The following TMPRSS15 variants were observed in gnomAD, a reference collection of about 807,000 sequenced individuals.
TMPRSS15 encodes transmembrane serine protease 15.
A neutral mutation model predicts 125.3 loss-of-function variants in TMPRSS15; 128 were observed. That is an observed-to-expected ratio of 1.02 (90% CI 0.89 to 1.18). The LOEUF (loss-of-function observed/expected upper bound fraction) is 1.18, where lower values mean the gene tolerates loss of function less well. Among genes scored for constraint, TMPRSS15 ranks in the 50% most tolerant of loss-of-function variants. The probability of loss-of-function intolerance (pLI) is 0.00; values close to 1 mark genes in which losing one functional copy is unlikely to be tolerated. For missense variants in TMPRSS15, 1,283 were observed against 1,212.7 expected (o/e 1.06, Z -0.86); for synonymous variants, 446 against 423.2 (o/e 1.05, Z -0.66).
At chr21:18,377,158 TATG>T (rs1245463043) in intron 5 of TMPRSS15, among the ~76,000 whole-genome samples, 1 of 152,134 alleles carries the variant, frequency 6.6e-6, no homozygotes, top group Non-Finnish European at 1.5e-5. Context: ...AGAAAAAGAA[TATG>T]ATATTTCACC....
At chr21:18,270,269 TTCACTC>T (rs945842302) in intron 24 of TMPRSS15, 145 bp from the exon 25 acceptor site, 9 of 652,948 alleles carry the variant, frequency 1.4e-5, no homozygotes, top group African/African-American at 1.8e-5. Flanking sequence ...TATTCTCACT[TTCACTC>T]TAAGTCAGGA....
chr21:18,346,434 G>A (rs775835864), intron 10 of TMPRSS15, among the ~76,000 whole-genome samples: 4 of 151,966 alleles, frequency 2.6e-5, no homozygotes, highest in African/African-American at 4.8e-5. Context: ...TTGCCTTGTG[G>A]GACTATTTAC....
intron 1 of TMPRSS15, among the ~76,000 whole-genome samples, chr21:18,473,672 A>AT (rs1037499876): frequency 3.3e-5 from 5 of 152,156 alleles, no homozygotes; most frequent in Admixed American, 6.6e-5. Flanking sequence ...CCTGAGAAGT[A>AT]TTTTTTTCTA....
At chr21:18,322,895 T>C (rs1400539612) in intron 16 of TMPRSS15, among the ~76,000 whole-genome samples, 8 of 152,214 alleles carry the variant, frequency 5.3e-5, no homozygotes. Context: ...TCCTAACACT[T>C]AGAAATAATA....
At chr21:18,481,705 G>A (rs921308322) in intron 1 of TMPRSS15, among the ~76,000 whole-genome samples, 1 of 151,604 alleles carries the variant, frequency 6.6e-6, no homozygotes, top group Non-Finnish European at 1.5e-5. Context: ...TTACTAAGGA[G>A]TAAAATTAAA....
intron 1 of TMPRSS15, among the ~76,000 whole-genome samples, chr21:18,484,483 A>G (rs1442992075): frequency 2.0e-5 from 3 of 151,846 alleles, no homozygotes; most frequent in African/African-American, 7.2e-5. Flanking sequence ...AAAATAGGCT[A>G]CAAGTCTCCT....
chr21:18,416,216 T>C (rs2076179778), intron 1 of TMPRSS15, among the ~76,000 whole-genome samples: 2 of 152,032 alleles, frequency 1.3e-5, no homozygotes, highest in Admixed American at 1.3e-4. Flanking sequence ...ATATAAATAT[T>C]AGCCAAATTG....
intron 16 of TMPRSS15, among the ~76,000 whole-genome samples, chr21:18,316,901 G>A (rs146662741): frequency 3.9e-5 from 6 of 152,226 alleles, no homozygotes; most frequent in East Asian, 3.9e-4. Flanking sequence ...CTCCATGAGG[G>A]CCACTTGGAA....
At chr21:18,443,554 G>A (rs1426698820) in intron 1 of TMPRSS15, among the ~76,000 whole-genome samples, 1 of 152,218 alleles carries the variant, frequency 6.6e-6, no homozygotes, top group Non-Finnish European at 1.5e-5. Context: ...GACAACTCTT[G>A]ATTCCAAGGG....
chr21:18,323,344 CAAA>C (rs2075258286), intron 16 of TMPRSS15, among the ~76,000 whole-genome samples: 2 of 152,056 alleles, frequency 1.3e-5, no homozygotes, highest in Non-Finnish European at 2.9e-5. Context: ...TCATGGCAGG[CAAA>C]AGAGGAGAAA....
At chr21:18,357,803 C>T (rs2824768) in intron 8 of TMPRSS15, among the ~76,000 whole-genome samples, 89,012 of 151,370 alleles carry the variant, frequency 0.59, 26,559 homozygotes, top group East Asian at 0.86. Context: ...ATAAACAAAC[C>T]TTGAGTTTCT....
intron 14 of TMPRSS15, 49 bp downstream of exon 14, chr21:18,332,035 A>T (rs770279819): frequency 1.3e-6 from 2 of 1,532,802 alleles, no homozygotes; most frequent in Non-Finnish European, 1.8e-6. Flanking sequence ...GGAGATCTAC[A>T]TTTCATATGG....
intron 17 of TMPRSS15, among the ~76,000 whole-genome samples, chr21:18,314,516 G>T (rs1259214933): frequency 6.6e-6 from 1 of 152,110 alleles, no homozygotes; most frequent in Non-Finnish European, 1.5e-5. Context: ...GACCTCAGAT[G>T]ATCTGCCCAC....
chr21:18,332,212 T>C (rs764582247), intron 13 of TMPRSS15, 39 bp from the exon 14 acceptor site: 18 of 1,543,762 alleles, frequency 1.2e-5, no homozygotes, highest in Non-Finnish European at 1.3e-5. Context: ...AGTAATACAA[T>C]GTTTATTTCA....
rs2824721 is a variant in TMPRSS15, at chr21:18,297,801, G to A, written c.2194C>T (p.Pro732Ser). The change falls in exon 19 of 25, where the codon CCT becomes TCT. Residue 732 changes from proline (P) to serine (S), a missense_variant. Pro to Ser is a moderately conservative substitution (Grantham distance 74, BLOSUM62 -1). Transcript: ENST00000284885. ...GSGNSSKPIFPTDGGPFVKLN... is the reference protein window; with the variant it reads ...GSGNSSKPIFSTDGGPFVKLN... ...TTGACAAATGGTCCACCATCGGTAG[G>A]GAAGATTGGCTTTGATGAGTTTCCA... 1,243,208 of 1,612,248 alleles carry A rather than the reference G, an allele frequency of 0.77. 480,653 individuals carry two copies. The highest frequency in any genetic ancestry group is 0.79 in the Non-Finnish European group (926,552 of 1,178,672).
intron 1 of TMPRSS15, among the ~76,000 whole-genome samples, chr21:18,409,595 T>C (rs1355229649): frequency 6.6e-6 from 1 of 152,122 alleles, no homozygotes. Context: ...CTGCCATCCC[T>C]AATTTACAAA....
intron 16 of TMPRSS15, among the ~76,000 whole-genome samples, chr21:18,325,152 C>A (rs370236857): frequency 3.9e-5 from 6 of 152,156 alleles, no homozygotes; most frequent in Admixed American, 6.5e-5. Flanking sequence ...CTTTACCTAA[C>A]AAAATCATGT....
At chr21:18,319,045 A>G (rs1989252646) in intron 16 of TMPRSS15, among the ~76,000 whole-genome samples, 1 of 152,238 alleles carries the variant, frequency 6.6e-6, no homozygotes, top group South Asian at 2.1e-4. Flanking sequence ...AAAGTTTAAA[A>G]TTTAAGATAA....
intron 1 of TMPRSS15, among the ~76,000 whole-genome samples, chr21:18,441,357 A>T (rs1282053738): frequency 6.6e-6 from 1 of 152,026 alleles, no homozygotes; most frequent in East Asian, 1.9e-4. Flanking sequence ...CTGTAATCCC[A>T]GCACTTTGGG....
Sources: gnomAD v4.1 joint callset for allele counts (sites outside exome capture counted in the v4.1 genomes callset) on GRCh38, gnomAD v4.1.1 for gene constraint, MANE v1.5 for transcripts, NCBI Gene and HGNC (gene_info 2026-07-23, HGNC 2026-07-21) for gene names.